The following RAD21 variants were observed in gnomAD, a reference collection of about 807,000 sequenced individuals.
RAD21 encodes the protein RAD21 cohesin complex component.
RAD21 carries 18 observed loss-of-function variants against 71.5 expected under a neutral mutation model. The observed-to-expected ratio is 0.25, with a 90% CI of 0.17 to 0.37. RAD21 has a LOEUF of 0.37. Among genes scored for constraint, RAD21 ranks in the 10% least tolerant of loss-of-function variants. RAD21 has a pLI of 1.00. For synonymous variants in RAD21, 248 were observed against 254.0 expected, an observed-to-expected ratio of 0.98 and a Z score of 0.22; for missense variants, 493 against 769.1, an observed-to-expected ratio of 0.64 and a Z score of 4.25.
intron 4 of RAD21, among the ~76,000 whole-genome samples, chr8:116,860,958 C>T (rs1012904726): frequency 2.0e-5 from 3 of 152,026 alleles, no homozygotes; most frequent in Non-Finnish European, 4.4e-5. Flanking sequence ...TGGCAATATA[C>T]TTGTAACTTA....
chr8:116,855,010 C>T lies in RAD21; in HGVS notation c.938-542G>A, dbSNP rs545442142. 2.6e-5 allele frequency among the ~76,000 whole-genome samples: 4 copies of T among 152,104 alleles called. No homozygotes were observed. In the South Asian group the frequency reaches 8.3e-4, roughly 31 times the overall value. On this transcript the variant is annotated intron_variant, in intron 8 of 13. Transcript: ENST00000297338. The stretch of plus-strand genomic sequence containing the variant: ...GACATTTTAAGAGTCATTTCTAATC[C>T]TTACAACTTACAAGTAGGTTGTATT...
chr8:116,862,004 G>C, intron 3 of RAD21, 64 bp from the exon 4 acceptor site: 1 of 1,267,902 alleles, frequency 7.9e-7, no homozygotes, highest in Non-Finnish European at 1.1e-6. Flanking sequence ...ATCAGAGGGA[G>C]ATAAGTAGGT....
intron 1 of RAD21, among the ~76,000 whole-genome samples, chr8:116,868,069 G>T (rs900463037): frequency 3.9e-5 from 6 of 152,026 alleles, no homozygotes; most frequent in Non-Finnish European, 8.8e-5. Flanking sequence ...AAGAGATGGG[G>T]TCTCATTCTG....
Position 116,847,480 on chromosome 8 carries a change from G to A in RAD21, c.*20C>T. ...GTAAGCACTAGTGAATCAAACACTA[G>A]CTATAATGCTTCTAGCTCCTTATAT... is the stretch of plus-strand genomic sequence containing the variant. On this transcript the variant is annotated 3_prime_UTR_variant, in exon 14 of 14. Coordinates refer to ENST00000297338, the MANE Select transcript of RAD21 (RefSeq NM_006265.3). The A allele has an allele frequency of 6.3e-7, 1 of 1,580,286 alleles. No homozygotes were observed. Among genetic ancestry groups the A allele is most frequent in the South Asian group, 1.2e-5 (1 of 86,640 alleles).
rs1351609811 is a variant in RAD21, at chr8:116,858,541, A to T, written c.375-83T>A. 1.4e-5 allele frequency: 15 copies of T among 1,074,588 alleles called. No homozygotes were observed. In the African/African-American group the frequency reaches 1.5e-4, roughly 10 times the overall value. 66.6% of individuals were successfully genotyped at this position (1,074,588 alleles called of 1,614,324 possible). ...CCCAATTCTCTCTATAAGAAAAATT[A>T]AAAAAATATATATGTATAACCCACC... On this transcript the variant is annotated intron_variant, in intron 4 of 13. Coordinates refer to ENST00000297338, the MANE Select transcript of RAD21 (RefSeq NM_006265.3).
At chr8:116,853,280 TG>T (rs1442994757) in intron 9 of RAD21, among the ~76,000 whole-genome samples, 2 of 152,150 alleles carry the variant, frequency 1.3e-5, no homozygotes, top group Admixed American at 1.3e-4. Context: ...GATTTTACCA[TG>T]TTAGCCAAGC....
In RAD21 at chr8:116,854,613, T is replaced by G. The variant is rs1008038321; in HGVS notation, c.938-145A>C. The stretch of plus-strand genomic sequence containing the variant: ...TTAAACTTCATGAGGATAGAACGTT[T>G]TAACTCATGTTTTCCAACCACCATT... On this transcript the variant is annotated intron_variant, in intron 8 of 13. Transcript: ENST00000297338. 2.4e-5 allele frequency: 16 copies of G among 668,064 alleles called. No homozygotes were observed. The Admixed American group carries it at 2.9e-4, about 12-fold the overall frequency. 41.4% of individuals were successfully genotyped at this position (668,064 alleles called of 1,614,324 possible).
Position 116,863,176 on chromosome 8 carries a change from T to G in RAD21, c.228A>C (p.Ala76=). The G allele has an allele frequency of 1.9e-6, 3 of 1,612,226 alleles. No homozygotes were observed. The highest frequency in any genetic ancestry group is 2.5e-6 in the Non-Finnish European group (3 of 1,178,676). The change falls in exon 3 of 14, where the codon GCA becomes GCC. Residue 76 remains alanine (A), a synonymous_variant. Transcript: ENST00000297338. ...TCTTAATGAATGCTTCATTACAGTCTGCAAGAAGGTATTTGGCTTTCCTGT... is the reference window on the plus strand; with the variant it reads ...TCTTAATGAATGCTTCATTACAGTCGGCAAGAAGGTATTTGGCTTTCCTGT... ...IYHRKAKYLL[A]DCNEAFIKIK... is the part of the protein sequence containing the mutation.
In RAD21 at chr8:116,851,972, T is replaced by G. The variant is rs756283022; in HGVS notation, c.1446A>C (p.Gln482His). ...CAGGCATCACAGGCTCTGGGTCAAT[T>G]TGTCCAGCTTTTCGCTTAACTCCCT... ...PPQGVKRKAG[Q>H]IDPEPVMPPQ... is the part of the protein sequence containing the mutation. Residue 482 changes from glutamine to histidine, a missense_variant, in exon 11 of 14, where the codon CAA becomes CAC. By Grantham distance (24) the Gln-to-His change is conservative. Transcript: ENST00000297338. 3 of 1,610,206 alleles carry G rather than the reference T, an allele frequency of 1.9e-6. No homozygotes were observed. Among genetic ancestry groups the G allele is most frequent in the Non-Finnish European group, 2.5e-6 (3 of 1,177,130 alleles).
chr8:116,850,377 G>GT (rs1243127234), intron 12 of RAD21, among the ~76,000 whole-genome samples: 1 of 152,212 alleles, frequency 6.6e-6, no homozygotes. Context: ...AGAAATCAGT[G>GT]TAAGGACAAT....
chr8:116,852,418 A>G (rs921745782), intron 10 of RAD21, 131 bp downstream of exon 10: 4 of 1,019,264 alleles, frequency 3.9e-6, no homozygotes, highest in Non-Finnish European at 5.6e-6. Flanking sequence ...ATCAGATCCA[A>G]TGCATTTCCC....
chr8:116,854,188 T>C (rs1267025126), intron 9 of RAD21, 57 bp downstream of exon 9: 34 of 926,660 alleles, frequency 3.7e-5, no homozygotes, highest in Non-Finnish European at 4.9e-5. Flanking sequence ...TTTTAGAATC[T>C]TTTTTTTTTA....
At chr8:116,855,916 C>G (rs191952870) in intron 8 of RAD21, among the ~76,000 whole-genome samples, 1 of 152,204 alleles carries the variant, frequency 6.6e-6, no homozygotes, top group Non-Finnish European at 1.5e-5. Flanking sequence ...GCAACTTGCA[C>G]AGACATTCTA....
At chr8:116,865,376 T>C (rs1474006071) in intron 2 of RAD21, among the ~76,000 whole-genome samples, 4 of 152,130 alleles carry the variant, frequency 2.6e-5, no homozygotes, top group African/African-American at 9.7e-5. Flanking sequence ...ACACATATAC[T>C]TTCCAGAAAG....
At position 116,866,738 on chromosome 8, in the gene RAD21, C is replaced by T. The variant is rs868330508; in HGVS notation, c.-9G>A. 7 of 1,591,634 alleles carry T rather than the reference C, an allele frequency of 4.4e-6. No individual in the cohort carries two copies. Among genetic ancestry groups the T allele is most frequent in the Non-Finnish European group, 4.3e-6 (5 of 1,170,018 alleles). On this transcript the variant is annotated 5_prime_UTR_variant, in exon 2 of 14. Transcript: ENST00000297338. ...AAATGTGCGTAGAACATTGTTCTGG[C>T]TGGCTATGAAAACAGAAGAAAACCT... is the stretch of plus-strand genomic sequence containing the variant.
chr8:116,870,913 G>C (rs1005616719), intron 1 of RAD21, among the ~76,000 whole-genome samples: 1 of 152,190 alleles, frequency 6.6e-6, no homozygotes, highest in African/African-American at 2.4e-5. Flanking sequence ...CTCCTGGCCA[G>C]CACTTCAGCT....
chr8:116,866,079 CTG>C (rs1433641487), intron 2 of RAD21, among the ~76,000 whole-genome samples: 2 of 152,134 alleles, frequency 1.3e-5, no homozygotes, highest in African/African-American at 4.8e-5. Flanking sequence ...AAAGAATAGT[CTG>C]TGCTCTGCCT....
chr8:116,872,186 A>G (rs577210462), intron 1 of RAD21, among the ~76,000 whole-genome samples: 192 of 152,302 alleles, frequency 1.3e-3, no homozygotes, highest in African/African-American at 3.5e-3. Context: ...TTTGAAGTAT[A>G]TGGGATGTTA....
At position 116,847,464 on chromosome 8, in the gene RAD21, A is replaced by G; in HGVS notation, c.*36T>C. The G allele has an allele frequency of 1.3e-6, 2 of 1,546,698 alleles. No homozygotes were observed. Among genetic ancestry groups the G allele is most frequent in the African/African-American group, 2.8e-5 (2 of 72,410 alleles). ...CACATGGGGGCAATTTGTAAGCACT[A>G]GTGAATCAAACACTAGCTATAATGC... On this transcript the variant is annotated 3_prime_UTR_variant, in exon 14 of 14. Transcript: ENST00000297338.
Sources: allele counts gnomAD v4.1 joint callset (sites outside exome capture counted in the v4.1 genomes callset), GRCh38; gene constraint gnomAD v4.1.1; transcripts MANE v1.5; gene names NCBI Gene and HGNC (gene_info 2026-07-23, HGNC 2026-07-21).